SMTN: variants seen among roughly 807,000 people sequenced by gnomAD.
SMTN encodes the protein smoothelin.
SMTN carries 58 observed loss-of-function variants against 102.0 expected under a neutral mutation model. The observed-to-expected ratio is 0.57, with a 90% CI of 0.46 to 0.71. The LOEUF is 0.71. Ranked by LOEUF, SMTN falls within the 30% of genes least tolerant of loss-of-function variation. The pLI, the probability that SMTN is intolerant of heterozygous loss-of-function variation, is 0.00. For missense variants in SMTN, 1,185 were observed against 1,241.7 expected (o/e 0.95, Z 0.69); for synonymous variants, 478 against 497.9 (o/e 0.96, Z 0.53).
chr22:31,098,747 AAG>A lies in SMTN; in HGVS notation c.2243_2244del (p.Glu748AlafsTer21), dbSNP rs1240485212. Reference sequence around the variant, plus strand: ...GAGAAACGGCAGGCCGAGAAGAAGAAAGAGCTGATGAAGGCGCAGAGTCTGCC... The same window carrying A: ...GAGAAACGGCAGGCCGAGAAGAAGAAAGCTGATGAAGGCGCAGAGTCTGCC... On this transcript the variant is annotated frameshift_variant, in exon 17 of 21. Coordinates refer to ENST00000333137, the MANE Select transcript of SMTN (RefSeq NM_134269.3). LOFTEE classifies it high-confidence loss of function. 1.2e-5 allele frequency: 19 copies of A among 1,613,286 alleles called. No individual in the cohort carries two copies. Among genetic ancestry groups the A allele is most frequent in the Non-Finnish European group, 1.5e-5 (18 of 1,179,908 alleles).
intron 8 of SMTN, among the ~76,000 whole-genome samples, 195 bp from the exon 9 acceptor site, chr22:31,090,613 G>A (rs1318544553): frequency 6.6e-6 from 1 of 152,108 alleles, no homozygotes; most frequent in East Asian, 1.9e-4. Flanking sequence ...GTGCCTGTAG[G>A]AGAGATGCAG....
rs761729610 is a variant in SMTN, at chr22:31,088,679, G to T, written c.295-20G>T. On this transcript the variant is annotated intron_variant, in intron 4 of 20. Coordinates refer to ENST00000333137, the MANE Select transcript of SMTN (RefSeq NM_134269.3). ...CTGGACTCCACAGCCCAACACCCGC[G>T]ACCTGTCTCTTACCCACAGTTGCGA... 1.2e-6 allele frequency: 2 copies of T among 1,613,816 alleles called. No homozygotes were observed. The highest frequency in any genetic ancestry group is 1.7e-6 in the Non-Finnish European group (2 of 1,179,814).
chr22:31,083,331 T>G (rs200719431), intron 2 of SMTN, 22 bp downstream of exon 2: 1 of 1,534,074 alleles, frequency 6.5e-7, no homozygotes, highest in Non-Finnish European at 8.8e-7. Flanking sequence ...CATCACCCAC[T>G]GTGGGGACAG....
intron 13 of SMTN, chr22:31,096,269 T>C (rs2147765405): frequency 1.2e-5 from 2 of 163,786 alleles, no homozygotes; most frequent in South Asian, 3.7e-4. Flanking sequence ...TCAGATTGCT[T>C]CTCAGATCCC....
chr22:31,085,268 C>T lies in SMTN; in HGVS notation c.51+1959C>T, dbSNP rs746386309. ...CGGGTGTCTTCCTACCTGGCTACCC[C>T]TTCGGCGCCTAGCGCGAGGCAGGGT... On this transcript the variant is annotated intron_variant, in intron 2 of 20. Coordinates refer to ENST00000333137, the MANE Select transcript of SMTN (RefSeq NM_134269.3). 5 of 1,512,250 alleles carry T rather than the reference C, an allele frequency of 3.3e-6. No individual in the cohort carries two copies. In the African/African-American group the frequency reaches 5.6e-5, roughly 17 times the overall value. The allele number at this position is 1,512,250 out of a possible 1,614,324, so 93.7% of individuals were successfully genotyped here. A position where few individuals can be genotyped will look rare whatever the true frequency, so the allele number is the denominator to read the frequency against.
intron 1 of SMTN, chr22:31,065,407 G>A (rs1020207248): frequency 1.3e-5 from 2 of 152,042 alleles, no homozygotes; most frequent in Non-Finnish European, 2.9e-5. Flanking sequence ...GGAGTGCAGT[G>A]GTGCCATTTC....
chr22:31,093,050 A>G (rs2043252531), intron 11 of SMTN, among the ~76,000 whole-genome samples: 1 of 152,236 alleles, frequency 6.6e-6, no homozygotes, highest in African/African-American at 2.4e-5. Flanking sequence ...CTCACAGCTA[A>G]TGTACATGGT....
intron 18 of SMTN, 113 bp from the exon 19 acceptor site, chr22:31,099,632 T>C (rs1467701097): frequency 7.1e-6 from 8 of 1,132,950 alleles, no homozygotes; most frequent in Non-Finnish European, 1.0e-5. Flanking sequence ...TTGTGCAAGC[T>C]ACGGGGCCTC....
chr22:31,096,609 T>A, intron 13 of SMTN, 124 bp from the exon 14 acceptor site: 2 of 1,019,348 alleles, frequency 2.0e-6, no homozygotes, highest in Non-Finnish European at 2.7e-6. Flanking sequence ...CCTTGTTACC[T>A]GTGTCATTCA....
intron 2 of SMTN, among the ~76,000 whole-genome samples, chr22:31,083,850 G>A (rs2042475379): frequency 6.6e-6 from 1 of 152,226 alleles, no homozygotes. Flanking sequence ...CAACCCCATA[G>A]TGGGCCACGG....
At chr22:31,093,853 G>T in intron 11 of SMTN, 1 of 1,582,738 alleles carries the variant, frequency 6.3e-7, no homozygotes. Flanking sequence ...CTCCTCCACC[G>T]GCACCACCCG....
intron 13 of SMTN, 123 bp from the exon 14 acceptor site, chr22:31,096,610 G>T: frequency 1.9e-6 from 2 of 1,037,078 alleles, no homozygotes; most frequent in Non-Finnish European, 2.7e-6. Context: ...CTTGTTACCT[G>T]TGTCATTCAT....
chr22:31,101,042 GC>G lies in SMTN; in HGVS notation c.*17del. 6.3e-7 allele frequency: 1 copy of G among 1,597,506 alleles called. No homozygotes were observed. The highest frequency in any genetic ancestry group is 1.7e-5 in the Admixed American group (1 of 59,142). On this transcript the variant is annotated 3_prime_UTR_variant, in exon 20 of 21. Coordinates refer to ENST00000333137, the MANE Select transcript of SMTN (RefSeq NM_134269.3). Reference sequence around the variant, plus strand: ...CAAAAAGTCCTAACCCCTGCTCGGGGCCCCACGGTGAGAAACGCCGCCTCTA... The same window carrying G: ...CAAAAAGTCCTAACCCCTGCTCGGGGCCCACGGTGAGAAACGCCGCCTCTA...
At chr22:31,067,092 T>A (rs536556555) in intron 1 of SMTN, 1 of 151,862 alleles carries the variant, frequency 6.6e-6, no homozygotes, top group Admixed American at 6.6e-5. Flanking sequence ...ACTTATTTAT[T>A]TAGAGACAGA....
intron 19 of SMTN, 144 bp from the exon 20 acceptor site, chr22:31,100,741 C>T (rs1257868054): frequency 8.3e-6 from 5 of 605,220 alleles, no homozygotes; most frequent in East Asian, 2.8e-5. Context: ...TAATTGAACT[C>T]ATGTCTCTGT....
chr22:31,082,426 G>A (rs1019173834), intron 1 of SMTN: 4 of 443,996 alleles, frequency 9.0e-6, no homozygotes, highest in East Asian at 7.2e-5. Context: ...CGGAGATGAC[G>A]AAGATTTTGA....
In SMTN at chr22:31,099,843, G is replaced by C. The variant is rs1228497602; in HGVS notation, c.2550G>C (p.Gln850His). 1 of 1,614,088 alleles carries C rather than the reference G, an allele frequency of 6.2e-7. No individual in the cohort carries two copies. Among genetic ancestry groups the C allele is most frequent in the Non-Finnish European group, 8.5e-7 (1 of 1,179,958 alleles). Residue 850 changes from glutamine to histidine, a missense_variant, in exon 19 of 21, where the codon CAG (glutamine) becomes CAC (histidine). By Grantham distance (24) the Gln-to-His change is conservative. Transcript: ENST00000333137. ...TCCCTGAGGCCTTCGACTATGGGCA[G>C]CTTAGCCCTCAGAACCGACGCCAGA... ...NFFPEAFDYG[Q>H]LSPQNRRQNF...
chr22:31,080,660 CAT>C (rs1227325651), upstream of SMTN: 1 of 152,292 alleles, frequency 6.6e-6, no homozygotes, highest in Non-Finnish European at 1.5e-5. Context: ...GCCTGGACTC[CAT>C]ATTCCCTATT....
At chr22:31,092,772 C>T (rs539124829) in intron 11 of SMTN, among the ~76,000 whole-genome samples, 3 of 152,222 alleles carry the variant, frequency 2.0e-5, no homozygotes, top group Non-Finnish European at 4.4e-5. Flanking sequence ...GGGTCTGACA[C>T]CACCAACTTG....
Sources: allele counts gnomAD v4.1 joint callset (sites outside exome capture counted in the v4.1 genomes callset), GRCh38; gene constraint gnomAD v4.1.1; transcripts MANE v1.5; gene names NCBI Gene and HGNC (gene_info 2026-07-23, HGNC 2026-07-21).